RBM25: variants seen among roughly 807,000 people sequenced by gnomAD.
The protein encoded by RBM25 is RNA binding motif protein 25, also known as RNA-binding protein 25.
In RBM25, 19 loss-of-function variants were observed where a neutral mutation model predicts 120.7. That is an observed-to-expected ratio of 0.16 (90% CI 0.11 to 0.23). RBM25 has a LOEUF of 0.23. Ranked by LOEUF, RBM25 falls within the 10% of genes least tolerant of loss-of-function variation. The pLI is 1.00. For synonymous variants in RBM25, 390 were observed against 326.7 expected (o/e 1.19, Z -2.09); for missense variants, 605 against 1,041.5 (o/e 0.58, Z 5.77).
At chr14:73,085,227 C>T (rs985592292) in intron 5 of RBM25, among the ~76,000 whole-genome samples, 2 of 151,902 alleles carry the variant, frequency 1.3e-5, no homozygotes, top group African/African-American at 2.4e-5. Flanking sequence ...CCGTGTTGGC[C>T]AGGAGGGTCT....
At chr14:73,115,424 T>C (rs139191452) in intron 18 of RBM25, among the ~76,000 whole-genome samples, 2 of 152,320 alleles carry the variant, frequency 1.3e-5, no homozygotes, top group Non-Finnish European at 2.9e-5. Context: ...AAACATACTG[T>C]ATTTGGTTTT....
chr14:73,070,774 C>A (rs1418529315), intron 1 of RBM25, among the ~76,000 whole-genome samples: 1 of 151,962 alleles, frequency 6.6e-6, no homozygotes, highest in East Asian at 1.9e-4. Context: ...TGGTGAAACC[C>A]CGTCTCTACT....
chr14:73,104,000 T>A (rs749445025), intron 10 of RBM25, among the ~76,000 whole-genome samples: 16 of 146,394 alleles, frequency 1.1e-4, no homozygotes, highest in Admixed American at 2.0e-4. Flanking sequence ...ACACACTCTC[T>A]CTCTCTCTCT....
intron 6 of RBM25, among the ~76,000 whole-genome samples, chr14:73,091,102 C>T (rs1895804131): frequency 6.6e-6 from 1 of 152,126 alleles, no homozygotes; most frequent in Non-Finnish European, 1.5e-5. Context: ...TTTGTGAGGT[C>T]ATTTAATTTG....
rs1894916920 is a variant in RBM25, at chr14:73,058,588, G to C, written c.-133G>C. On this transcript the variant is annotated 5_prime_UTR_variant, in exon 1 of 19. Transcript: ENST00000261973. ...GCTGTATTTGCGGCCTGTGCGAGTA[G>C]GCGCTTGGGCACTCAGTCTCCCTGG... The C allele has an allele frequency of 6.6e-6, 1 of 152,202 alleles. No homozygotes were observed. Among genetic ancestry groups the C allele is most frequent in the African/African-American group, 2.4e-5 (1 of 41,450 alleles). The allele number at this position is 152,202 out of a possible 1,614,324, so 9.4% of individuals were successfully genotyped here.
intron 10 of RBM25, among the ~76,000 whole-genome samples, chr14:73,103,940 TCTCTCTCTCACACA>T (rs1566597408): frequency 3.7e-4 from 15 of 41,086 alleles, no homozygotes; most frequent in East Asian, 2.8e-3. Context: ...TCTCTCTCTC[TCTCTCTCTCACACA>T]CACACACACA....
intron 13 of RBM25, among the ~76,000 whole-genome samples, chr14:73,108,532 C>G (rs1297015112): frequency 1.3e-5 from 2 of 152,202 alleles, no homozygotes; most frequent in Non-Finnish European, 2.9e-5. Context: ...ATGGCATTTT[C>G]AAACTACTCT....
At chr14:73,116,387 C>T (rs1896427727) in intron 18 of RBM25, among the ~76,000 whole-genome samples, 1 of 152,120 alleles carries the variant, frequency 6.6e-6, no homozygotes. Flanking sequence ...GGAGGGACAT[C>T]GTGGGGTTTA....
rs751910088 is a variant in RBM25 at position 73,083,539 on chromosome 14, G to A, written c.370G>A (p.Gly124Arg). 1 of 1,579,060 alleles carries A rather than the reference G, an allele frequency of 6.3e-7. No individual in the cohort carries two copies. Among genetic ancestry groups the A allele is most frequent in the Non-Finnish European group, 8.5e-7 (1 of 1,170,530 alleles). Residue 124 changes from glycine to arginine, a missense_variant, in exon 5 of 19, where the codon GGA becomes AGA. By Grantham distance (125) the Gly-to-Arg change is moderately radical (BLOSUM62 -2). Coordinates refer to ENST00000261973, the MANE Select transcript of RBM25 (RefSeq NM_021239.3). ...LSWKRVQGAS[G>R]KLQAFGFCEY... ...CTGGAAGAGAGTACAAGGTGCTTCC[G>A]GAAAGCTTCAAGGTATGTCATTTTT...
At chr14:73,111,851 TG>T in intron 16 of RBM25, 49 bp downstream of exon 16, 1 of 1,511,866 alleles carries the variant, frequency 6.6e-7, no homozygotes. Flanking sequence ...AGTTGGAATA[TG>T]CCATACAAAT....
At chr14:73,084,446 TGC>T (rs1895636695) in intron 5 of RBM25, among the ~76,000 whole-genome samples, 1 of 152,254 alleles carries the variant, frequency 6.6e-6, no homozygotes, top group Non-Finnish European at 1.5e-5. Context: ...TTTTGCTGAA[TGC>T]AGCTCCAGTA....
chr14:73,088,967 C>G (rs991792684), intron 6 of RBM25, among the ~76,000 whole-genome samples: 1 of 152,084 alleles, frequency 6.6e-6, no homozygotes, highest in African/African-American at 2.4e-5. Flanking sequence ...GTGGCGAAAC[C>G]CTGTCTCTAC....
chr14:73,094,369 A>C (rs959991997), intron 6 of RBM25, among the ~76,000 whole-genome samples: 1 of 152,048 alleles, frequency 6.6e-6, no homozygotes, highest in Non-Finnish European at 1.5e-5. Context: ...CAAATGCTTT[A>C]TCTCTAATAG....
chr14:73,112,413 G>GT (rs11392696), intron 17 of RBM25, among the ~76,000 whole-genome samples, 163 bp downstream of exon 17: 109,963 of 150,978 alleles, frequency 0.73, 40,852 homozygotes, highest in African/African-American at 0.86. Flanking sequence ...TTTTTGGTGT[G>GT]TTTTTTTTTA....
At chr14:73,101,204 T>C (rs1016882774) in intron 9 of RBM25, 4 of 151,972 alleles carry the variant, frequency 2.6e-5, no homozygotes, top group Non-Finnish European at 5.9e-5. Flanking sequence ...TTTTATTGGG[T>C]GGTTTGGCTA....
chr14:73,091,228 G>C (rs1202451752), intron 6 of RBM25, among the ~76,000 whole-genome samples: 2 of 152,134 alleles, frequency 1.3e-5, no homozygotes, highest in African/African-American at 4.8e-5. Context: ...TTGCTTGCTT[G>C]CTTTTTTTGG....
chr14:73,113,673 C>CA (rs376776653), intron 17 of RBM25, among the ~76,000 whole-genome samples: 1 of 151,394 alleles, frequency 6.6e-6, no homozygotes, highest in Admixed American at 6.6e-5. Flanking sequence ...GCCTGTGTGA[C>CA]AAGAGTGAGA....
At position 73,096,945 on chromosome 14, in the gene RBM25, G is replaced by A. The variant is rs750060631; in HGVS notation, c.574G>A (p.Asp192Asn). 4 of 1,612,606 alleles carry A rather than the reference G, an allele frequency of 2.5e-6. No homozygotes were observed. In the South Asian group the frequency reaches 3.3e-5, roughly 13 times the overall value. Reference sequence around the variant, plus strand: ...AAGGCCAGAAACTGTCACTAATGACGATGAAGAAGCCTTGGATGAAGAAAC... The same window carrying A: ...AAGGCCAGAAACTGTCACTAATGACAATGAAGAAGCCTTGGATGAAGAAAC... ...NARPETVTND[D>N]EEALDEETKR... Residue 192 changes from aspartate to asparagine, a missense_variant, in exon 7 of 19, where the codon GAT becomes AAT. By Grantham distance (23) the Asp-to-Asn change is conservative. This residue lies in a region of RBM25 where 465 missense variants were observed against 741.6 expected (regional missense o/e 0.63). Transcript: ENST00000261973.
At chr14:73,084,919 C>T (rs553790518) in intron 5 of RBM25, among the ~76,000 whole-genome samples, 1 of 152,040 alleles carries the variant, frequency 6.6e-6, no homozygotes, top group South Asian at 2.1e-4. Context: ...AGTATTCTTC[C>T]ATCAGGGAAC....
Sources: gnomAD v4.1 joint callset for allele counts (sites outside exome capture counted in the v4.1 genomes callset) on GRCh38, gnomAD v4.1.1 for gene constraint, gnomAD v4.1.1 regional missense constraint, MANE v1.5 for transcripts, NCBI Gene and HGNC (gene_info 2026-07-23, HGNC 2026-07-21) for gene names.